The following VPS13D variants were observed in gnomAD, a reference collection of about 807,000 sequenced individuals.
The protein encoded by VPS13D is vacuolar protein sorting 13 homolog D, also known as intermembrane lipid transfer protein VPS13D.
VPS13D carries 187 observed loss-of-function variants against 461.9 expected under a neutral mutation model. The ratio of observed to expected loss-of-function variants is 0.40; its 90% CI spans 0.36 to 0.46. VPS13D has a LOEUF of 0.46. Among genes scored for constraint, VPS13D ranks in the 20% least tolerant of loss-of-function variants. The probability of loss-of-function intolerance (pLI) is 0.60; values close to 1 mark genes in which losing one functional copy is unlikely to be tolerated. For synonymous variants in VPS13D, 1,951 were observed against 1,986.3 expected, an observed-to-expected ratio of 0.98 and a Z score of 0.47; for missense variants, 4,711 against 5,364.9, an observed-to-expected ratio of 0.88 and a Z score of 3.81.
At chr1:12,375,154 T>A (rs1441929314) in intron 55 of VPS13D, among the ~76,000 whole-genome samples, 1 of 152,226 alleles carries the variant, frequency 6.6e-6, no homozygotes, top group Admixed American at 6.5e-5. Context: ...CACAGCAAGT[T>A]ATCCTGGGTC....
intron 63 of VPS13D, among the ~76,000 whole-genome samples, chr1:12,412,573 ATTAC>A (rs1249006426): frequency 1.3e-5 from 2 of 152,194 alleles, no homozygotes; most frequent in African/African-American, 4.8e-5. Flanking sequence ...TTCAGTAAAT[ATTAC>A]TTAGTTCAAT....
intron 38 of VPS13D, among the ~76,000 whole-genome samples, chr1:12,335,416 G>A (rs1454798100): frequency 6.6e-6 from 1 of 152,136 alleles, no homozygotes; most frequent in Non-Finnish European, 1.5e-5. Context: ...AATGCCCTAT[G>A]GGTATTTTGA....
intron 65 of VPS13D, among the ~76,000 whole-genome samples, chr1:12,444,430 A>G (rs1354435454): frequency 6.6e-6 from 1 of 152,110 alleles, no homozygotes; most frequent in Non-Finnish European, 1.5e-5. Context: ...GATTTTGGGA[A>G]ACTCTTGGCC....
intron 50 of VPS13D, among the ~76,000 whole-genome samples, chr1:12,358,855 A>G (rs901414190): frequency 6.6e-6 from 1 of 152,194 alleles, no homozygotes; most frequent in Non-Finnish European, 1.5e-5. Context: ...CACCTGTGTC[A>G]GGAAAGTATC....
At chr1:12,232,488 G>C (rs1160157035) in intron 1 of VPS13D, among the ~76,000 whole-genome samples, 1 of 152,176 alleles carries the variant, frequency 6.6e-6, no homozygotes, top group East Asian at 1.9e-4. Flanking sequence ...GTGCCTGGCA[G>C]GGTGGCTGAT....
rs1469951965 is a variant in VPS13D at position 12,240,920 on chromosome 1, A to C, written c.98-1593A>C. ...CAGATCCGCCAAGTTGCTAGATTTG[A>C]ATTCTTTTTCTTCTTTTTTTTTCCC... On this transcript the variant is annotated intron_variant, in intron 2 of 69. Transcript: ENST00000620676. Among the ~76,000 whole-genome samples the C allele has an allele frequency of 4.6e-5, 7 of 151,890 alleles. No homozygotes were observed. The South Asian group carries it at 1.0e-3, about 23-fold the overall frequency.
At chr1:12,363,385 A>C in intron 52 of VPS13D, 138 bp downstream of exon 52, 1 of 864,130 alleles carries the variant, frequency 1.2e-6, no homozygotes, top group African/African-American at 1.7e-5. Flanking sequence ...AGTCCAGGGA[A>C]GTGTGAGGGG....
Position 12,510,559 on chromosome 1 carries a change from G to GCA in VPS13D, c.*1536_*1537insAC, listed in dbSNP as rs1315441758. 13 of 153,428 alleles carry GCA rather than the reference G, an allele frequency of 8.5e-5. No individual in the cohort carries two copies. Among genetic ancestry groups the GCA allele is most frequent in the African/African-American group, 2.9e-4 (12 of 41,328 alleles). 9.5% of individuals were successfully genotyped at this position (153,428 alleles called of 1,614,324 possible). ...TGTGTGTGTGTGTGTGTGTGTGCGC[G>GCA]CGCGCGCGTGCATGCAGAGAGGAAG... On this transcript the variant is annotated 3_prime_UTR_variant, in exon 70 of 70. Coordinates refer to ENST00000620676, the MANE Select transcript of VPS13D (RefSeq NM_015378.4).
At chr1:12,456,404 G>A (rs1645328135) in intron 66 of VPS13D, among the ~76,000 whole-genome samples, 1 of 151,796 alleles carries the variant, frequency 6.6e-6, no homozygotes, top group South Asian at 2.1e-4. Flanking sequence ...TTGGGAGGTC[G>A]AGGCGGGTGG....
Position 12,362,667 on chromosome 1 carries a change from A to G in VPS13D, c.10142-53A>G, listed in dbSNP as rs940953124. On this transcript the variant is annotated intron_variant, in intron 50 of 69. Transcript: ENST00000620676. ...AAGGTTATTTATTTTTGTCAGACCA[A>G]GAGTTTTCTCTCTTCATGGTTAACT... The G allele has an allele frequency of 9.0e-5, 141 of 1,568,652 alleles. No homozygotes were observed. Among genetic ancestry groups the G allele is most frequent in the Non-Finnish European group, 1.0e-4 (118 of 1,153,954 alleles).
chr1:12,490,532 A>G (rs1456548166), intron 67 of VPS13D, among the ~76,000 whole-genome samples: 1 of 152,252 alleles, frequency 6.6e-6, no homozygotes, highest in African/African-American at 2.4e-5. Context: ...CTTTAGAAGT[A>G]GATGCATGTG....
At chr1:12,379,327 A>C (rs960160260) in intron 56 of VPS13D, among the ~76,000 whole-genome samples, 161 bp from the exon 57 acceptor site, 1 of 152,168 alleles carries the variant, frequency 6.6e-6, no homozygotes, top group Non-Finnish European at 1.5e-5. Flanking sequence ...TCTTATCAAG[A>C]GATACCTAAC....
At position 12,258,101 on chromosome 1, in the gene VPS13D, A is replaced by G; in HGVS notation, c.1108A>G (p.Lys370Glu). Residue 370 changes from lysine (K) to glutamate (E), a missense_variant and splice_region_variant, in exon 10 of 70, where the codon AAG (lysine) becomes GAG (glutamate). Physicochemically the swap from Lys to Glu is moderately conservative, Grantham distance 56. Coordinates refer to ENST00000620676, the MANE Select transcript of VPS13D (RefSeq NM_015378.4). ...LKGGLLSTDDKEEMCRIEEEQ... is the reference protein window; with the variant it reads ...LKGGLLSTDDEEEMCRIEEEQ... ...AGGAGGCCTGCTGTCCACAGATGAC[A>G]AGGTAAGTGGACTGTGGTCTTGTGT... is the stretch of plus-strand genomic sequence containing the variant. 7 of 1,614,158 alleles carry G rather than the reference A, an allele frequency of 4.3e-6. No individual in the cohort carries two copies. Among genetic ancestry groups the G allele is most frequent in the Non-Finnish European group, 5.9e-6 (7 of 1,179,986 alleles).
chr1:12,259,641 G>A (rs1344790139), intron 10 of VPS13D, among the ~76,000 whole-genome samples: 1 of 152,124 alleles, frequency 6.6e-6, no homozygotes, highest in East Asian at 1.9e-4. Context: ...CAAAGACATA[G>A]AAGAAGAGAA....
In VPS13D at chr1:12,334,303, G is replaced by A. The variant is rs141665003; in HGVS notation, c.8428+937G>A. On this transcript the variant is annotated intron_variant, in intron 38 of 69. Transcript: ENST00000620676. ...GTTGACCCTGTGATTTCTCTAAACT[G>A]TATTGTTTTGACTCCTACATTGTTT... is the stretch of plus-strand genomic sequence containing the variant. Among the ~76,000 whole-genome samples the A allele has an allele frequency of 2.1e-3, 317 of 152,234 alleles. 1 individual carries two copies. Among genetic ancestry groups the A allele is most frequent in the South Asian group, 5.8e-3 (28 of 4,822 alleles).
At chr1:12,378,008 A>G (rs1644224140) in intron 55 of VPS13D, among the ~76,000 whole-genome samples, 1 of 152,096 alleles carries the variant, frequency 6.6e-6, no homozygotes, top group Admixed American at 6.6e-5. Flanking sequence ...TCAGATATTG[A>G]GCATATCGTA....
At chr1:12,313,905 A>T (rs1473739799) in intron 29 of VPS13D, among the ~76,000 whole-genome samples, 1 of 152,236 alleles carries the variant, frequency 6.6e-6, no homozygotes, top group African/African-American at 2.4e-5. Context: ...TCTCTTTGGA[A>T]CTGGAAAAGT....
At chr1:12,396,273 G>A (rs2101673827) in intron 60 of VPS13D, among the ~76,000 whole-genome samples, 1 of 151,802 alleles carries the variant, frequency 6.6e-6, no homozygotes, top group East Asian at 1.9e-4. Context: ...TGGAGCTGGG[G>A]TAGGGGTGAA....
chr1:12,349,411 C>CTT, intron 46 of VPS13D, 37 bp downstream of exon 46: 18 of 1,419,240 alleles, frequency 1.3e-5, no homozygotes, highest in East Asian at 2.5e-5. Flanking sequence ...TCACTTTTGC[C>CTT]TTTTTTTTTT....
Sources: gnomAD v4.1 joint callset for allele counts (sites outside exome capture counted in the v4.1 genomes callset) on GRCh38, gnomAD v4.1.1 for gene constraint, MANE v1.5 for transcripts, NCBI Gene and HGNC (gene_info 2026-07-23, HGNC 2026-07-21) for gene names.